The following PCDH15 variants were observed in gnomAD, a reference collection of about 807,000 sequenced individuals.
PCDH15 encodes the protein protocadherin related 15.
Under a neutral mutation model 178.5 loss-of-function variants are expected in PCDH15, and 129 were observed. The ratio of observed to expected loss-of-function variants is 0.72; its 90% CI spans 0.63 to 0.84. The LOEUF (loss-of-function observed/expected upper bound fraction) is 0.84, where lower values mean the gene tolerates loss of function less well. PCDH15 is among the 40% of genes least tolerant of loss of function. PCDH15 has a pLI of 0.00. For missense variants in PCDH15, 2,230 were observed against 2,099.9 expected (o/e 1.06, Z -1.21); for synonymous variants, 800 against 732.0 (o/e 1.09, Z -1.50).
chr10:55,219,092 T>C (rs1840794639), intron 1 of PCDH15, among the ~76,000 whole-genome samples: 1 of 152,008 alleles, frequency 6.6e-6, no homozygotes, highest in Non-Finnish European at 1.5e-5. Context: ...GGTAGAAATA[T>C]TGATGTGAGG....
intron 17 of PCDH15, among the ~76,000 whole-genome samples, chr10:54,069,166 T>G (rs2094194495): frequency 6.6e-6 from 1 of 152,192 alleles, no homozygotes; most frequent in African/African-American, 2.4e-5. Flanking sequence ...GACATTGAAA[T>G]TTACAGCCTG....
At chr10:54,067,777 G>A (rs1356161668) in intron 17 of PCDH15, among the ~76,000 whole-genome samples, 1 of 152,074 alleles carries the variant, frequency 6.6e-6, no homozygotes, top group Admixed American at 6.6e-5. Flanking sequence ...ATAAAAAGGA[G>A]GAGGAAAAAG....
chr10:54,597,403 A>G (rs775684439), intron 2 of PCDH15, among the ~76,000 whole-genome samples: 11 of 152,142 alleles, frequency 7.2e-5, no homozygotes, highest in Non-Finnish European at 1.6e-4. Flanking sequence ...AATTAGTGAG[A>G]ACAAAGATAT....
At chr10:55,472,872 A>C (rs1304389311) in intron 2 of PCDH15, among the ~76,000 whole-genome samples, 1 of 152,108 alleles carries the variant, frequency 6.6e-6, no homozygotes, top group Non-Finnish European at 1.5e-5. Flanking sequence ...CCTTCCTTGA[A>C]AATCACCAAG....
chr10:54,481,255 A>T (rs1052466601), intron 3 of PCDH15, among the ~76,000 whole-genome samples: 3 of 151,722 alleles, frequency 2.0e-5, no homozygotes, highest in Non-Finnish European at 4.4e-5. Context: ...ATATTACAAA[A>T]TTTTCTCTAA....
chr10:55,383,374 G>A (rs1837582455), intron 2 of PCDH15, among the ~76,000 whole-genome samples: 1 of 152,058 alleles, frequency 6.6e-6, no homozygotes, highest in African/African-American at 2.4e-5. Flanking sequence ...ATGGGTAGCG[G>A]ATGAGGGGCA....
chr10:54,296,239 C>CCTGACT (rs1417733750), intron 8 of PCDH15, among the ~76,000 whole-genome samples: 4 of 151,604 alleles, frequency 2.6e-5, no homozygotes, highest in Non-Finnish European at 4.4e-5. Flanking sequence ...TCTTACAACC[C>CCTGACT]CTGACTCTTC....
chr10:54,375,879 G>A (rs964852863), intron 4 of PCDH15, among the ~76,000 whole-genome samples: 1 of 101,128 alleles, frequency 9.9e-6, no homozygotes, highest in African/African-American at 3.7e-5. Context: ...TTTTGAAACG[G>A]AATATATATA....
In PCDH15 at chr10:55,608,230, TGGAGGAAGGAAGGAAGAAAG is replaced by T. The variant is rs543654940; in HGVS notation, c.-156+19375_-156+19394del. 2.7e-3 allele frequency among the ~76,000 whole-genome samples: 392 copies of T among 146,282 alleles called. 1 individual carries two copies. The highest frequency in any genetic ancestry group is 0.014 in the South Asian group (64 of 4,596). On this transcript the variant is annotated intron_variant, in intron 2 of 5. Transcript: ENST00000613346. ...AAAACAATATAGACACTCCAAAATTTGGAGGAAGGAAGGAAGAAAGGGAGGATGGAAGAGACAGGGAAGAG... is the reference window on the plus strand; with the variant it reads ...AAAACAATATAGACACTCCAAAATTTGGAGGATGGAAGAGACAGGGAAGAG...
intron 3 of PCDH15, among the ~76,000 whole-genome samples, chr10:54,430,256 A>G (rs10825330): frequency 0.14 from 21,866 of 151,638 alleles, 1,671 homozygotes; most frequent in Middle Eastern, 0.24. Flanking sequence ...GGGTTTCACC[A>G]TGTTGGTCAG....
chr10:55,277,618 C>T (rs569155844), intron 1 of PCDH15, among the ~76,000 whole-genome samples: 1 of 152,120 alleles, frequency 6.6e-6, no homozygotes, highest in African/African-American at 2.4e-5. Flanking sequence ...CTAAAAACAG[C>T]TAATGATCTA....
chr10:55,226,302 T>C (rs149018389), intron 1 of PCDH15, among the ~76,000 whole-genome samples: 30 of 152,246 alleles, frequency 2.0e-4, no homozygotes, highest in African/African-American at 7.2e-4. Context: ...TATTTAATTC[T>C]ATAGTAATTA....
chr10:53,809,621 C>G lies in PCDH15; in HGVS notation c.4671+935G>C, dbSNP rs886903999. The G allele has an allele frequency of 2.9e-6, 4 of 1,394,526 alleles. No homozygotes were observed. In the East Asian group the frequency reaches 6.9e-5, roughly 24 times the overall value. The allele number at this position is 1,394,526 out of a possible 1,614,324, so 86.4% of individuals were successfully genotyped here. On this transcript the variant is annotated intron_variant, in intron 37 of 37. Coordinates refer to ENST00000644397, the MANE Select transcript of PCDH15 (RefSeq NM_001384140.1). ...GTATGACCTTGTCCCACGAAAGCTACGCAGGAATGAATCTGTGGGTGATAG... is the reference window on the plus strand; with the variant it reads ...GTATGACCTTGTCCCACGAAAGCTAGGCAGGAATGAATCTGTGGGTGATAG...
intron 16 of PCDH15, among the ~76,000 whole-genome samples, chr10:54,080,039 T>C (rs949682832): frequency 2.6e-5 from 4 of 152,090 alleles, no homozygotes; most frequent in African/African-American, 9.6e-5. Context: ...TTTAAATATA[T>C]GATTGTTTCA....
intron 2 of PCDH15, among the ~76,000 whole-genome samples, chr10:55,513,531 C>T (rs995057274): frequency 1.3e-5 from 2 of 152,116 alleles, no homozygotes; most frequent in African/African-American, 4.8e-5. Flanking sequence ...AATTACATCA[C>T]AGGTGATAAA....
intron 21 of PCDH15, among the ~76,000 whole-genome samples, chr10:53,962,533 T>C (rs11003949): frequency 0.014 from 2,194 of 152,276 alleles, 50 homozygotes; most frequent in African/African-American, 0.048. Flanking sequence ...ATAATGAAGA[T>C]GATAGTAATA....
chr10:55,565,235 A>G (rs894965935), intron 2 of PCDH15, among the ~76,000 whole-genome samples: 2 of 151,794 alleles, frequency 1.3e-5, no homozygotes, highest in African/African-American at 2.4e-5. Flanking sequence ...TTAAACATGT[A>G]TTTCTAAATT....
chr10:54,906,554 G>A (rs893568350), intron 2 of PCDH15, among the ~76,000 whole-genome samples: 21 of 152,192 alleles, frequency 1.4e-4, no homozygotes, highest in African/African-American at 4.6e-4. Context: ...TTTGAGGATT[G>A]TTTGAAATAA....
At chr10:54,135,082 C>G (rs1279650953) in intron 14 of PCDH15, among the ~76,000 whole-genome samples, 1 of 151,480 alleles carries the variant, frequency 6.6e-6, no homozygotes, top group Admixed American at 6.6e-5. Flanking sequence ...GCCTGTAATC[C>G]CAGCTACTCA....
Sources: gnomAD v4.1 joint callset for allele counts (sites outside exome capture counted in the v4.1 genomes callset) on GRCh38, gnomAD v4.1.1 for gene constraint, MANE v1.5 for transcripts, NCBI Gene and HGNC (gene_info 2026-07-23, HGNC 2026-07-21) for gene names.